The following PNLIPRP1 variants were observed in gnomAD, a reference collection of about 807,000 sequenced individuals.
PNLIPRP1 encodes the protein inactive pancreatic lipase-related protein 1.
In PNLIPRP1, 57 loss-of-function variants were observed where a neutral mutation model predicts 54.6. The observed-to-expected ratio is 1.04, with a 90% CI of 0.84 to 1.30. The LOEUF is 1.30. Ranked by LOEUF, PNLIPRP1 falls within the 50% of genes most tolerant of loss-of-function variation. The pLI, the probability that PNLIPRP1 is intolerant of heterozygous loss-of-function variation, is 0.00. For missense variants in PNLIPRP1, 567 were observed against 568.5 expected (o/e 1.00, Z 0.03); for synonymous variants, 232 against 208.8 (o/e 1.11, Z -0.96).
At chr10:116,591,967 G>A (rs562667925) in intron 3 of PNLIPRP1, 42 bp downstream of exon 3, 10 of 1,605,588 alleles carry the variant, frequency 6.2e-6, no homozygotes, top group East Asian at 2.2e-5. Flanking sequence ...ACTGGCACGG[G>A]GCTATGCCCA....
intron 11 of PNLIPRP1, among the ~76,000 whole-genome samples, chr10:116,604,417 A>T (rs1554865277): frequency 2.6e-5 from 4 of 152,194 alleles, no homozygotes; most frequent in Non-Finnish European, 4.4e-5. Context: ...ATACAGTAAC[A>T]TGTAGTACAG....
intron 9 of PNLIPRP1, 135 bp downstream of exon 9, chr10:116,600,300 G>C: frequency 1.6e-6 from 1 of 613,588 alleles, no homozygotes; most frequent in Non-Finnish European, 2.9e-6. Context: ...CTGTGGAGTG[G>C]AAGAGAAAAA....
chr10:116,603,995 T>C (rs1389347559), intron 10 of PNLIPRP1, 35 bp from the exon 11 acceptor site: 12 of 1,296,206 alleles, frequency 9.3e-6, no homozygotes, highest in Non-Finnish European at 1.3e-5. Flanking sequence ...TTATTTTGTG[T>C]GTGAATAAAT....
At chr10:116,607,714 G>A (rs1472797728) in intron 12 of PNLIPRP1, among the ~76,000 whole-genome samples, 1 of 152,218 alleles carries the variant, frequency 6.6e-6, no homozygotes, top group Non-Finnish European at 1.5e-5. Flanking sequence ...CGAGCTCACA[G>A]GTGGTGAGGC....
intron 8 of PNLIPRP1, 113 bp downstream of exon 8, chr10:116,598,279 T>G: frequency 1.0e-6 from 1 of 997,080 alleles, no homozygotes; most frequent in Non-Finnish European, 1.4e-6. Context: ...AAATATACAA[T>G]TCCCTCTTCT....
chr10:116,591,259 C>A, intron 2 of PNLIPRP1, 81 bp downstream of exon 2: 2 of 1,078,886 alleles, frequency 1.9e-6, no homozygotes, highest in Non-Finnish European at 2.8e-6. Flanking sequence ...TTAACTGTGG[C>A]AGGGCTCCCA....
chr10:116,605,097 G>A (rs927825640), intron 11 of PNLIPRP1, among the ~76,000 whole-genome samples: 3 of 151,972 alleles, frequency 2.0e-5, no homozygotes, highest in Admixed American at 2.0e-4. Context: ...CATACTATGT[G>A]GCCAATTTGT....
At chr10:116,604,232 T>TC (rs35096619) in intron 11 of PNLIPRP1, 94 bp downstream of exon 11, 47,723 of 600,016 alleles carry the variant, frequency 0.08, 3,918 homozygotes, top group East Asian at 0.39. Flanking sequence ...TCTTTATATG[T>TC]CACTGGTTTT....
At chr10:116,597,751 C>T (rs369286670) in intron 6 of PNLIPRP1, 77 bp from the exon 7 acceptor site, 45 of 1,563,762 alleles carry the variant, frequency 2.9e-5, no homozygotes, top group African/African-American at 1.5e-4. Flanking sequence ...GTGCATAGCC[C>T]GGGCAGCTGT....
intron 10 of PNLIPRP1, among the ~76,000 whole-genome samples, chr10:116,601,585 G>A (rs563638071): frequency 6.6e-6 from 1 of 152,100 alleles, no homozygotes. Flanking sequence ...CTCTTTGCTG[G>A]GCTATGTCCC....
chr10:116,605,044 T>C (rs1369540527), intron 11 of PNLIPRP1, among the ~76,000 whole-genome samples: 1 of 152,188 alleles, frequency 6.6e-6, no homozygotes, highest in African/African-American at 2.4e-5. Flanking sequence ...TTACTTCAGA[T>C]ATGCTGTTTT....
At chr10:116,606,971 T>C (rs1198974288) in intron 12 of PNLIPRP1, among the ~76,000 whole-genome samples, 1 of 151,896 alleles carries the variant, frequency 6.6e-6, no homozygotes, top group Non-Finnish European at 1.5e-5. Context: ...AACACTGAAT[T>C]AGTTGAATTA....
At chr10:116,602,571 G>A (rs542237015) in intron 10 of PNLIPRP1, among the ~76,000 whole-genome samples, 2 of 152,336 alleles carry the variant, frequency 1.3e-5, no homozygotes, top group African/African-American at 2.4e-5. Flanking sequence ...AACTACAAGC[G>A]TGTTGGGCTT....
chr10:116,597,829 G>T lies in PNLIPRP1; in HGVS notation c.576G>T (p.Gly192=). ...TGCAGTGCTGATCATCTCTTTTAGGGTTGGATCCTGTAGAAGCAAGTTTCG... is the reference window on the plus strand; with the variant it reads ...TGCAGTGCTGATCATCTCTTTTAGGTTTGGATCCTGTAGAAGCAAGTTTCG... ...SKTPGLSRIT[G]LDPVEASFES... is the part of the protein sequence containing the mutation. Residue 192 remains glycine (G), a splice_region_variant and synonymous_variant, in exon 7 of 13, where the codon GGG becomes GGT. Coordinates refer to ENST00000358834, the MANE Select transcript of PNLIPRP1 (RefSeq NM_006229.4). 6.2e-7 allele frequency: 1 copy of T among 1,614,186 alleles called. No homozygotes were observed. Among genetic ancestry groups the T allele is most frequent in the Non-Finnish European group, 8.5e-7 (1 of 1,180,030 alleles).
chr10:116,595,306 G>T (rs1847716390), intron 5 of PNLIPRP1: 1 of 171,718 alleles, frequency 5.8e-6, no homozygotes, highest in Non-Finnish European at 1.3e-5. Flanking sequence ...AGCTCTACTG[G>T]CCTGGTGGTA....
At chr10:116,594,255 T>C (rs189863857) in intron 4 of PNLIPRP1, 81 of 471,390 alleles carry the variant, frequency 1.7e-4, no homozygotes, top group African/African-American at 1.4e-3. Flanking sequence ...ATGTGTCTAC[T>C]CCATGAAGTA....
At chr10:116,591,468 T>A (rs369076145) in intron 2 of PNLIPRP1, among the ~76,000 whole-genome samples, 18 of 152,328 alleles carry the variant, frequency 1.2e-4, no homozygotes, top group South Asian at 6.2e-4. Context: ...ATGCCCATGA[T>A]CACATTGGTC....
intron 10 of PNLIPRP1, among the ~76,000 whole-genome samples, chr10:116,603,719 T>G (rs1847888587): frequency 6.6e-6 from 1 of 152,098 alleles, no homozygotes; most frequent in East Asian, 1.9e-4. Flanking sequence ...ATGGCGAAAC[T>G]CTGTCTCTAC....
At position 116,597,629 on chromosome 10, in the gene PNLIPRP1, C is replaced by T. The variant is rs544224856; in HGVS notation, c.575-199C>T. ...GCTCATTTGTCCTCCTCCATCCACG[C>T]CACTGGGAACCCTTTTGCAATGAGC... On this transcript the variant is annotated intron_variant, in intron 6 of 12. Coordinates refer to ENST00000358834, the MANE Select transcript of PNLIPRP1 (RefSeq NM_006229.4). 2.0e-5 allele frequency among the ~76,000 whole-genome samples: 3 copies of T among 152,330 alleles called. No homozygotes were observed. The South Asian group carries it at 6.2e-4, about 32-fold the overall frequency.
Sources: allele counts gnomAD v4.1 joint callset (sites outside exome capture counted in the v4.1 genomes callset), GRCh38; gene constraint gnomAD v4.1.1; transcripts MANE v1.5; gene names NCBI Gene and HGNC (gene_info 2026-07-23, HGNC 2026-07-21).